CDH13: variants seen among roughly 807,000 people sequenced by gnomAD.
CDH13 encodes cadherin 13.
CDH13 carries 24 observed loss-of-function variants against 63.8 expected under a neutral mutation model. The ratio of observed to expected loss-of-function variants is 0.38; its 90% CI spans 0.27 to 0.53. CDH13 has a LOEUF of 0.53. CDH13 is among the 20% of genes least tolerant of loss of function. The pLI is 0.85. For synonymous variants in CDH13, 503 were observed against 355.3 expected (o/e 1.42, Z -4.67); for missense variants, 1,049 against 903.1 (o/e 1.16, Z -2.07).
At chr16:82,947,061 A>G (rs936587497) in intron 2 of CDH13, among the ~76,000 whole-genome samples, 1 of 144,798 alleles carries the variant, frequency 6.9e-6, no homozygotes, top group Non-Finnish European at 1.5e-5. Flanking sequence ...GTTGTAAGAA[A>G]GTTTAAGGCT....
At chr16:83,656,406 G>A (rs1377511331) in intron 8 of CDH13, among the ~76,000 whole-genome samples, 1 of 152,168 alleles carries the variant, frequency 6.6e-6, no homozygotes, top group Non-Finnish European at 1.5e-5. Flanking sequence ...TAGACACCCA[G>A]AAGCAGATGC....
At chr16:83,758,879 T>A (rs942448115) in intron 11 of CDH13, among the ~76,000 whole-genome samples, 1 of 152,216 alleles carries the variant, frequency 6.6e-6, no homozygotes, top group Non-Finnish European at 1.5e-5. Context: ...AATTTTTGTC[T>A]CCCTATTTAA....
intron 5 of CDH13, among the ~76,000 whole-genome samples, chr16:83,332,622 A>C (rs190654295): frequency 6.6e-6 from 1 of 152,304 alleles, no homozygotes; most frequent in African/African-American, 2.4e-5. Flanking sequence ...AAATCCCCTT[A>C]ACCCTTGTAC....
At chr16:83,763,154 C>T (rs1356592914) in intron 11 of CDH13, among the ~76,000 whole-genome samples, 1 of 152,168 alleles carries the variant, frequency 6.6e-6, no homozygotes, top group African/African-American at 2.4e-5. Flanking sequence ...GTTTTCATGA[C>T]TTAGCAACTT....
chr16:83,400,980 GA>G (rs1247555628), intron 6 of CDH13, among the ~76,000 whole-genome samples: 1 of 152,068 alleles, frequency 6.6e-6, no homozygotes, highest in Non-Finnish European at 1.5e-5. Context: ...GAGGTGAAGG[GA>G]TCACTTGAGG....
At chr16:83,246,081 C>A (rs1394263955) in intron 5 of CDH13, among the ~76,000 whole-genome samples, 1 of 152,154 alleles carries the variant, frequency 6.6e-6, no homozygotes, top group Non-Finnish European at 1.5e-5. Context: ...TTGTCCCAAC[C>A]AGAATTAGTT....
intron 1 of CDH13, among the ~76,000 whole-genome samples, chr16:82,765,865 G>C (rs1014382624): frequency 6.6e-6 from 1 of 152,062 alleles, no homozygotes; most frequent in African/African-American, 2.4e-5. Flanking sequence ...ATAATGACTT[G>C]AGAATTACAT....
At chr16:83,104,907 C>G (rs2034689783) in intron 3 of CDH13, among the ~76,000 whole-genome samples, 1 of 152,176 alleles carries the variant, frequency 6.6e-6, no homozygotes, top group African/African-American at 2.4e-5. Context: ...TGAGTGCTTC[C>G]TTTTCGTAAA....
At chr16:83,214,397 T>C (rs1237388836) in intron 4 of CDH13, among the ~76,000 whole-genome samples, 1 of 151,710 alleles carries the variant, frequency 6.6e-6, no homozygotes, top group East Asian at 1.9e-4. Flanking sequence ...GTGGCCAACA[T>C]GGGGAAAACC....
At chr16:83,739,460 C>T (rs1188765317) in intron 10 of CDH13, among the ~76,000 whole-genome samples, 1 of 152,184 alleles carries the variant, frequency 6.6e-6, no homozygotes, top group Non-Finnish European at 1.5e-5. Context: ...CGTATTTTCC[C>T]TGTGATAAGT....
chr16:82,858,857 G>T, intron 2 of CDH13: 1 of 259,586 alleles, frequency 3.9e-6, no homozygotes. Context: ...CTCATACATA[G>T]CATTAGATCA....
chr16:82,743,870 A>G (rs2034043858), intron 1 of CDH13, among the ~76,000 whole-genome samples: 1 of 152,196 alleles, frequency 6.6e-6, no homozygotes, highest in Admixed American at 6.5e-5. Context: ...ATTCAGGTGT[A>G]TGTAATTAAA....
At chr16:82,672,176 C>G (rs994474305) in intron 1 of CDH13, among the ~76,000 whole-genome samples, 1 of 152,190 alleles carries the variant, frequency 6.6e-6, no homozygotes, top group Non-Finnish European at 1.5e-5. Context: ...CCTCTTAAGG[C>G]TCAGTGTTTT....
chr16:83,621,066 T>C (rs1909768601), intron 8 of CDH13, among the ~76,000 whole-genome samples: 1 of 152,070 alleles, frequency 6.6e-6, no homozygotes, highest in African/African-American at 2.4e-5. Flanking sequence ...CTGAGACAGG[T>C]ACCATGATCG....
chr16:83,480,023 T>G (rs1032115785), intron 6 of CDH13, among the ~76,000 whole-genome samples: 1 of 152,160 alleles, frequency 6.6e-6, no homozygotes, highest in Non-Finnish European at 1.5e-5. Flanking sequence ...AGAAGAGCCA[T>G]TTTGTCAATG....
intron 6 of CDH13, among the ~76,000 whole-genome samples, chr16:83,476,463 G>A (rs8063209): frequency 0.98 from 148,739 of 152,336 alleles, 72,723 homozygotes; most frequent in Middle Eastern, 1. Flanking sequence ...ACTCGAGGTC[G>A]GGAGTTTGAG....
At chr16:83,295,223 T>C (rs1295975519) in intron 5 of CDH13, among the ~76,000 whole-genome samples, 1 of 152,020 alleles carries the variant, frequency 6.6e-6, no homozygotes, top group Non-Finnish European at 1.5e-5. Context: ...TATATAAAAA[T>C]CAACTCAAAA....
intron 3 of CDH13, among the ~76,000 whole-genome samples, chr16:83,083,172 A>G (rs1280292390): frequency 9.8e-5 from 15 of 152,326 alleles, no homozygotes; most frequent in Non-Finnish European, 2.2e-4. Flanking sequence ...AATACCAATC[A>G]TGGGTTGGTA....
intron 4 of CDH13, among the ~76,000 whole-genome samples, chr16:83,177,996 G>T (rs2038196103): frequency 6.6e-6 from 1 of 152,100 alleles, no homozygotes; most frequent in African/African-American, 2.4e-5. Flanking sequence ...GTGGGTAGTA[G>T]ATGGGCAGGA....
Sources: allele counts gnomAD v4.1 joint callset (sites outside exome capture counted in the v4.1 genomes callset), GRCh38; gene constraint gnomAD v4.1.1; transcripts MANE v1.5; gene names NCBI Gene and HGNC (gene_info 2026-07-23, HGNC 2026-07-21).